The following PRP4K variants were observed in gnomAD, a reference collection of about 807,000 sequenced individuals.
PRP4K encodes the protein serine/threonine-protein kinase PRP4 homolog.
the PRP4K span, among the ~76,000 whole-genome samples, chr6:4,041,552 C>CA: frequency 1.1e-4 from 16 of 152,010 alleles, no homozygotes; most frequent in East Asian, 5.8e-4. Flanking sequence ...GACCCTGTCT[C>CA]AAAAAACAAA....
the PRP4K span, chr6:4,053,013 T>G: frequency 1.3e-6 from 1 of 745,886 alleles, no homozygotes; most frequent in South Asian, 4.1e-5. Context: ...TGACTAATAC[T>G]TTTTTATCTT....
the PRP4K span, among the ~76,000 whole-genome samples, chr6:4,030,550 G>C: frequency 6.6e-6 from 1 of 152,238 alleles, no homozygotes; most frequent in East Asian, 1.9e-4. Context: ...TATTTAACTT[G>C]GGATTCTTAA....
the PRP4K span, among the ~76,000 whole-genome samples, chr6:4,038,282 GTTTTATTTTATTTTA>G: frequency 6.6e-6 from 1 of 151,694 alleles, no homozygotes; most frequent in African/African-American, 2.4e-5. Flanking sequence ...TCAATGAGGG[GTTTTATTTTATTTTA>G]TTTTATTTTA....
chr6:4,027,177 T>C, the PRP4K span, among the ~76,000 whole-genome samples: 1 of 152,204 alleles, frequency 6.6e-6, no homozygotes, highest in African/African-American at 2.4e-5. Context: ...GAAGATCTTT[T>C]GACTGACTTG....
the PRP4K span, chr6:4,043,711 G>A: frequency 3.8e-6 from 4 of 1,045,194 alleles, no homozygotes; most frequent in Admixed American, 4.4e-5. Flanking sequence ...TACATTATTT[G>A]ATACGTTCTC....
the PRP4K span, chr6:4,021,478 C>G: frequency 2.1e-5 from 33 of 1,577,364 alleles, 1 homozygote; most frequent in Admixed American, 5.8e-4. Flanking sequence ...TAAGTAGTCT[C>G]TGTGAGTGGG....
At chr6:4,059,833 A>G in the PRP4K span, among the ~76,000 whole-genome samples, 1 of 152,162 alleles carries the variant, frequency 6.6e-6, no homozygotes, top group Admixed American at 6.5e-5. Context: ...TTTAGTAGAG[A>G]TGGGTTTTGC....
chr6:4,032,247 C>T, the PRP4K span: 1 of 1,613,180 alleles, frequency 6.2e-7, no homozygotes, highest in East Asian at 2.2e-5. Context: ...ATCCCCTACC[C>T]TTAGAAGGCG....
the PRP4K span, chr6:4,048,975 G>C: frequency 6.8e-7 from 1 of 1,462,526 alleles, no homozygotes; most frequent in African/African-American, 1.4e-5. Flanking sequence ...TTAAATGTCT[G>C]ACAAGTGGGT....
the PRP4K span, among the ~76,000 whole-genome samples, chr6:4,045,596 ATTAAC>A: frequency 6.6e-6 from 1 of 152,224 alleles, no homozygotes; most frequent in East Asian, 1.9e-4. Context: ...ATTGGGGTTT[ATTAAC>A]TTATGATTTT....
the PRP4K span, among the ~76,000 whole-genome samples, chr6:4,051,393 C>CA: frequency 6.6e-6 from 1 of 151,902 alleles, no homozygotes; most frequent in Non-Finnish European, 1.5e-5. Flanking sequence ...AGCTCAACTG[C>CA]AAACCCTCCG....
the PRP4K span, chr6:4,060,842 C>T: frequency 1.9e-6 from 1 of 533,216 alleles, no homozygotes; most frequent in Non-Finnish European, 3.3e-6. This position sits in a 1 kb window ranked among gnomAD's most constrained non-coding sequence, Gnocchi z 4.7. Context: ...GCCAAGACTG[C>T]ACAAAATTAC....
the PRP4K span, chr6:4,049,200 A>G: frequency 8.7e-7 from 1 of 1,149,674 alleles, no homozygotes; most frequent in Non-Finnish European, 1.2e-6. Context: ...GAGAACTCTG[A>G]AAAATCACAT....
the PRP4K span, chr6:4,047,290 CAA>C: frequency 5.5e-6 from 8 of 1,454,544 alleles, no homozygotes; most frequent in Non-Finnish European, 7.7e-6. Context: ...AAAAAAATAA[CAA>C]ATATATTGGT....
the PRP4K span, chr6:4,057,118 A>G: frequency 1.4e-5 from 23 of 1,613,310 alleles, no homozygotes; most frequent in South Asian, 2.5e-4. Context: ...GAAAAATTTT[A>G]TTCCCTGGCA....
the PRP4K span, chr6:4,037,477 G>C: frequency 1.2e-6 from 2 of 1,613,776 alleles, no homozygotes; most frequent in Non-Finnish European, 1.7e-6. Context: ...TCTCCAACCC[G>C]AAGAAGAAGT....
the PRP4K span, chr6:4,063,543 C>G: frequency 6.6e-6 from 1 of 152,142 alleles, no homozygotes; most frequent in Non-Finnish European, 1.5e-5. Flanking sequence ...CCAACTTACC[C>G]TGTAGAAACC....
At chr6:4,033,322 T>G in the PRP4K span, among the ~76,000 whole-genome samples, 4 of 152,186 alleles carry the variant, frequency 2.6e-5, no homozygotes, top group Non-Finnish European at 5.9e-5. Context: ...TAGTATCTCT[T>G]AAGCTTAAGA....
chr6:4,032,441 G>T, the PRP4K span: 1 of 1,614,106 alleles, frequency 6.2e-7, no homozygotes, highest in Non-Finnish European at 8.5e-7. Context: ...GAAGGTCACG[G>T]TCCAAAGAGA....
Sources: gnomAD v4.1 joint callset for allele counts (sites outside exome capture counted in the v4.1 genomes callset) on GRCh38, gnomAD v4.1.1 for gene constraint, Gnocchi (gnomAD v3.1) non-coding constraint, MANE v1.5 for transcripts, NCBI Gene and HGNC (gene_info 2026-07-23, HGNC 2026-07-21) for gene names.